Variants in SCARB2 observed in about 807,000 individuals in gnomAD.
SCARB2 encodes lysosome membrane protein 2.
SCARB2 carries 29 observed loss-of-function variants against 58.6 expected under a neutral mutation model. That is an observed-to-expected ratio of 0.49 (90% CI 0.37 to 0.67). SCARB2 has a LOEUF of 0.67. Ranked by LOEUF, SCARB2 falls within the 30% of genes least tolerant of loss-of-function variation. The probability of loss-of-function intolerance (pLI) is 0.00; values close to 1 mark genes in which losing one functional copy is unlikely to be tolerated. For synonymous variants in SCARB2, 195 were observed against 210.1 expected, an observed-to-expected ratio of 0.93 and a Z score of 0.62; for missense variants, 488 against 578.5, an observed-to-expected ratio of 0.84 and a Z score of 1.60.
chr4:76,232,577 C>T (rs1733511996), intron 1 of SCARB2, among the ~76,000 whole-genome samples: 1 of 152,110 alleles, frequency 6.6e-6, no homozygotes, highest in African/African-American at 2.4e-5. Context: ...ATAACTTAGA[C>T]ATTAGAATTT....
chr4:76,224,840 T>C (rs1002458110), intron 1 of SCARB2, among the ~76,000 whole-genome samples: 1 of 152,078 alleles, frequency 6.6e-6, no homozygotes, highest in Non-Finnish European at 1.5e-5. Flanking sequence ...GAGATTTTGG[T>C]GCACACATCA....
Position 76,159,626 on chromosome 4 carries a change from G to A in SCARB2, c.*2087C>T, listed in dbSNP as rs780801208. ...AGTCCCAGCTACTTGGGTGGCTGAG[G>A]CAGGAGAATTGCTTGAACCCGGGAG... On this transcript the variant is annotated 3_prime_UTR_variant, in exon 12 of 12. Coordinates refer to ENST00000264896, the MANE Select transcript of SCARB2 (RefSeq NM_005506.4). 35 of 152,386 alleles carry A rather than the reference G, an allele frequency of 2.3e-4. No individual in the cohort carries two copies. Among genetic ancestry groups the A allele is most frequent in the Non-Finnish European group, 5.0e-4 (34 of 68,126 alleles). 9.4% of individuals were successfully genotyped at this position (152,386 alleles called of 1,614,324 possible). A position where few individuals can be genotyped will look rare whatever the true frequency, so the allele number is the denominator to read the frequency against.
At position 76,160,474 on chromosome 4, in the gene SCARB2, G is replaced by A. The variant is rs1047243666; in HGVS notation, c.*1239C>T. Reference sequence around the variant, plus strand: ...AAACCAAGAAGTCCTTTGAAAAGTGGTGTCTCTGCTTCTGGTCCTAACAGA... The same window carrying A: ...AAACCAAGAAGTCCTTTGAAAAGTGATGTCTCTGCTTCTGGTCCTAACAGA... On this transcript the variant is annotated 3_prime_UTR_variant, in exon 12 of 12. Coordinates refer to ENST00000264896, the MANE Select transcript of SCARB2 (RefSeq NM_005506.4). 3.9e-5 allele frequency: 6 copies of A among 152,174 alleles called. No individual in the cohort carries two copies. Among genetic ancestry groups the A allele is most frequent in the Admixed American group, 1.3e-4 (2 of 15,280 alleles). The allele number at this position is 152,174 out of a possible 1,614,324, so 9.4% of individuals were successfully genotyped here.
Position 76,161,738 on chromosome 4 carries a change from T to C in SCARB2, c.1412A>G (p.Glu471Gly), listed in dbSNP as rs755903502. Residue 471 changes from glutamate to glycine, a missense_variant, in exon 12 of 12, where the codon GAA becomes GGA. Glu to Gly is a moderately conservative substitution (Grantham distance 98). Transcript: ENST00000264896. ...TTAGGTTCGAATGAGGGGTGCTCTTTCATCCGCTGTTCCCTGAAACACAGA... is the reference window on the plus strand; with the variant it reads ...TTAGGTTCGAATGAGGGGTGCTCTTCCATCCGCTGTTCCCTGAAACACAGA... Reference protein sequence around the residue: ...QGSMDEGTADERAPLIRT With the variant: ...QGSMDEGTADGRAPLIRT 10 of 1,614,170 alleles carry C rather than the reference T, an allele frequency of 6.2e-6. No individual in the cohort carries two copies. The highest frequency in any genetic ancestry group is 8.5e-6 in the Non-Finnish European group (10 of 1,180,032).
chr4:76,213,435 T>G lies in SCARB2; in HGVS notation c.109A>C (p.Ile37Leu), dbSNP rs1733108210. The part of the protein sequence containing the change: ...RVFQKAVDQS[I>L]EKKIVLRNGT... ...AGCCCGCCCCGCCTCACCTTCTCGA[T>G]ACTCTGGTCTACAGCCTTCTGGAAG... The change falls in exon 1 of 12, where the codon ATC becomes CTC. Residue 37 changes from isoleucine to leucine, a missense_variant. Ile to Leu is a conservative substitution (Grantham distance 5, BLOSUM62 2). Transcript: ENST00000264896. 4 of 1,608,404 alleles carry G rather than the reference T, an allele frequency of 2.5e-6. No individual in the cohort carries two copies. The highest frequency in any genetic ancestry group is 1.6e-4 in the Middle Eastern group (1 of 6,078).
upstream of SCARB2, chr4:76,214,564 G>A (rs1347191087): frequency 3.0e-6 from 1 of 336,770 alleles, no homozygotes; most frequent in Admixed American, 4.1e-5. Context: ...AAGGGCTCTT[G>A]GTATCCTGTT....
rs147631110 is a variant in SCARB2 at position 76,190,522 on chromosome 4, G to A, written c.275+5185C>T. On this transcript the variant is annotated intron_variant, in intron 2 of 11. Coordinates refer to ENST00000264896, the MANE Select transcript of SCARB2 (RefSeq NM_005506.4). ...GGAGTGGCCAAGCATGGTGGCTCACGCCTGTAGTCCCAGCACTTTGGGAGG... is the reference window on the plus strand; with the variant it reads ...GGAGTGGCCAAGCATGGTGGCTCACACCTGTAGTCCCAGCACTTTGGGAGG... 5.1e-4 allele frequency among the ~76,000 whole-genome samples: 77 copies of A among 152,222 alleles called. 1 individual carries two copies. The highest frequency in any genetic ancestry group is 1.8e-3 in the African/African-American group (75 of 41,538).
At chr4:76,206,012 C>T (rs915799214) in intron 1 of SCARB2, among the ~76,000 whole-genome samples, 4 of 152,082 alleles carry the variant, frequency 2.6e-5, no homozygotes, top group African/African-American at 9.7e-5. Flanking sequence ...TATCCTTACC[C>T]CCAAGGTGGT....
chr4:76,169,341 C>CACACA (rs3217498), intron 8 of SCARB2, among the ~76,000 whole-genome samples: 14 of 151,126 alleles, frequency 9.3e-5, no homozygotes, highest in African/African-American at 2.9e-4. Context: ...CACACACACA[C>CACACA]GTGTGTATGT....
At chr4:76,224,841 G>A (rs1394280618) in intron 1 of SCARB2, among the ~76,000 whole-genome samples, 2 of 152,010 alleles carry the variant, frequency 1.3e-5, no homozygotes, top group East Asian at 1.9e-4. Flanking sequence ...AGATTTTGGT[G>A]CACACATCAC....
chr4:76,173,908 T>C (rs1209925942), intron 7 of SCARB2: 2 of 542,384 alleles, frequency 3.7e-6, no homozygotes, highest in Non-Finnish European at 6.7e-6. Flanking sequence ...CTGATCTTTC[T>C]ATTGGGCTGA....
At chr4:76,185,426 C>T (rs4859627) in intron 2 of SCARB2, among the ~76,000 whole-genome samples, 16,656 of 152,146 alleles carry the variant, frequency 0.11, 1,128 homozygotes, top group East Asian at 0.21. Context: ...TAAAAGTGCC[C>T]GGCATGGTCC....
rs560078112 is a variant in SCARB2, at chr4:76,185,193, T to C, written c.276-4092A>G. On this transcript the variant is annotated intron_variant, in intron 2 of 11. Transcript: ENST00000264896. Reference sequence around the variant, plus strand: ...ACAGAGGTTAATTCACAGTAATTTATTGGAATATGGAGGAGGAGAGGAAAT... The same window carrying C: ...ACAGAGGTTAATTCACAGTAATTTACTGGAATATGGAGGAGGAGAGGAAAT... 1.2e-4 allele frequency among the ~76,000 whole-genome samples: 19 copies of C among 152,326 alleles called. No homozygotes were observed. The East Asian group carries it at 3.5e-3, about 28-fold the overall frequency.
intron 2 of SCARB2, among the ~76,000 whole-genome samples, chr4:76,186,450 G>A (rs993417392): frequency 1.3e-5 from 2 of 151,994 alleles, no homozygotes; most frequent in Non-Finnish European, 2.9e-5. Flanking sequence ...ACAGAGAAGA[G>A]GGAAAGCAAG....
At chr4:76,226,335 G>A (rs1338566974) in intron 1 of SCARB2, among the ~76,000 whole-genome samples, 4 of 152,206 alleles carry the variant, frequency 2.6e-5, no homozygotes, top group African/African-American at 9.7e-5. Flanking sequence ...AGCTGTCACA[G>A]TTTAGCATTA....
In SCARB2 at chr4:76,213,721, C is replaced by G. The variant is rs1392468985; in HGVS notation, c.-178G>C. The G allele has an allele frequency of 2.0e-6, 1 of 510,100 alleles. No individual in the cohort carries two copies. Among genetic ancestry groups the G allele is most frequent in the Non-Finnish European group, 3.4e-6 (1 of 292,820 alleles). 31.6% of individuals were successfully genotyped at this position (510,100 alleles called of 1,614,324 possible). ...CTCCGCGGCCTGGCGAGCGCGGCCC[C>G]GGGTGCACCGGGCGGATGGGGCCGC... On this transcript the variant is annotated 5_prime_UTR_variant, in exon 1 of 12. Coordinates refer to ENST00000264896, the MANE Select transcript of SCARB2 (RefSeq NM_005506.4).
chr4:76,184,598 T>G (rs1157987458), intron 2 of SCARB2: 1 of 187,430 alleles, frequency 5.3e-6, no homozygotes, highest in Non-Finnish European at 1.1e-5. Flanking sequence ...CTCTGAATCC[T>G]GAGCACAGTG....
chr4:76,176,049 AT>A, intron 5 of SCARB2, 139 bp from the exon 6 acceptor site: 1 of 1,091,746 alleles, frequency 9.2e-7, no homozygotes, highest in Non-Finnish European at 1.3e-6. Flanking sequence ...AACAGTTTTA[AT>A]TAGATCAAGG....
chr4:76,177,389 T>A (rs573317512), intron 4 of SCARB2, among the ~76,000 whole-genome samples: 3 of 150,968 alleles, frequency 2.0e-5, no homozygotes, highest in Non-Finnish European at 4.4e-5. Flanking sequence ...TGTGGAGAAA[T>A]TGGAACCTTT....
Sources: allele counts gnomAD v4.1 joint callset (sites outside exome capture counted in the v4.1 genomes callset), GRCh38; gene constraint gnomAD v4.1.1; transcripts MANE v1.5; gene names NCBI Gene and HGNC (gene_info 2026-07-23, HGNC 2026-07-21).